NR2C2: variants seen among roughly 807,000 people sequenced by gnomAD.
The protein encoded by NR2C2 is Nuclear hormone receptor TR4.
A neutral mutation model predicts 62.9 loss-of-function variants in NR2C2; 6 were observed. The ratio of observed to expected loss-of-function variants is 0.10; its 90% CI spans 0.05 to 0.19. NR2C2 has a LOEUF of 0.19. Ranked by LOEUF, NR2C2 falls within the 10% of genes least tolerant of loss-of-function variation. The probability of loss-of-function intolerance (pLI) is 1.00; values close to 1 mark genes in which losing one functional copy is unlikely to be tolerated. For missense variants in NR2C2, 479 were observed against 762.7 expected, an observed-to-expected ratio of 0.63 and a Z score of 4.38; for synonymous variants, 272 against 273.8, an observed-to-expected ratio of 0.99 and a Z score of 0.07.
At chr3:14,985,191 T>C (rs550399507) in intron 1 of NR2C2, among the ~76,000 whole-genome samples, 2 of 152,266 alleles carry the variant, frequency 1.3e-5, no homozygotes, top group Non-Finnish European at 2.9e-5. Flanking sequence ...ATGTCCTGTA[T>C]GAGCTATATG....
At chr3:14,956,784 G>A (rs374822631) in intron 1 of NR2C2, among the ~76,000 whole-genome samples, 2 of 152,152 alleles carry the variant, frequency 1.3e-5, no homozygotes, top group African/African-American at 2.4e-5. Context: ...CAGGTGATCC[G>A]CCTGCCTTGG....
At chr3:15,022,536 G>A (rs1474763290) in intron 5 of NR2C2, among the ~76,000 whole-genome samples, 1 of 151,292 alleles carries the variant, frequency 6.6e-6, no homozygotes, top group African/African-American at 2.4e-5. Flanking sequence ...CTCCCAAGTA[G>A]CTGGGATTAC....
At position 14,982,988 on chromosome 3, in the gene NR2C2, TAGTA is replaced by T. The variant is rs765108548; in HGVS notation, c.-39-20887_-39-20884del. 4.6e-5 allele frequency among the ~76,000 whole-genome samples: 7 copies of T among 152,346 alleles called. No individual in the cohort carries two copies. The East Asian group carries it at 5.8e-4, about 13-fold the overall frequency. On this transcript the variant is annotated intron_variant, in intron 1 of 13. Transcript: ENST00000425241. ...TTTAATTTTTAATTTTGTGAATACA[TAGTA>T]GGTGTATATATTTGTAGGGTGCATG...
intron 1 of NR2C2, among the ~76,000 whole-genome samples, chr3:14,981,800 A>G (rs372917358): frequency 8.5e-5 from 13 of 152,100 alleles, no homozygotes; most frequent in East Asian, 7.7e-4. Flanking sequence ...TAGGTCCAAG[A>G]GTCTGAAAGC....
intron 3 of NR2C2, 89 bp from the exon 4 acceptor site, chr3:15,016,063 A>G (rs2041502468): frequency 4.1e-6 from 4 of 969,438 alleles, no homozygotes; most frequent in African/African-American, 3.2e-5. Context: ...CAGCCTCCCA[A>G]AGTGCTGGGA....
At chr3:14,966,154 TA>T (rs2039847812) in intron 1 of NR2C2, among the ~76,000 whole-genome samples, 1 of 152,212 alleles carries the variant, frequency 6.6e-6, no homozygotes, top group African/African-American at 2.4e-5. Context: ...AATTGAGAGA[TA>T]ATTAATAGTC....
intron 7 of NR2C2, among the ~76,000 whole-genome samples, chr3:15,025,247 A>G (rs2041790743): frequency 6.6e-6 from 1 of 152,224 alleles, no homozygotes; most frequent in African/African-American, 2.4e-5. Context: ...CAACCATTCT[A>G]TTGGGCCATC....
chr3:15,011,484 C>T (rs558095100), intron 2 of NR2C2, among the ~76,000 whole-genome samples: 1 of 152,220 alleles, frequency 6.6e-6, no homozygotes, highest in Non-Finnish European at 1.5e-5. Context: ...TGTCTGCAAT[C>T]TTTCAGTTGA....
chr3:14,972,848 A>C (rs2040085042), intron 1 of NR2C2, among the ~76,000 whole-genome samples: 1 of 152,110 alleles, frequency 6.6e-6, no homozygotes, highest in South Asian at 2.1e-4. Context: ...GGGAGGTGCT[A>C]CACACTTTTA....
chr3:15,038,278 C>T, intron 12 of NR2C2, 141 bp downstream of exon 12: 1 of 841,492 alleles, frequency 1.2e-6, no homozygotes. Context: ...AGGTGTTTTG[C>T]TAGATAAATA....
intron 1 of NR2C2, among the ~76,000 whole-genome samples, chr3:14,975,966 G>C (rs890267185): frequency 1.3e-5 from 2 of 151,960 alleles, no homozygotes; most frequent in Non-Finnish European, 2.9e-5. Flanking sequence ...TAGAGACAGG[G>C]TTTCGCCATG....
intron 5 of NR2C2, among the ~76,000 whole-genome samples, chr3:15,021,304 A>C (rs548172980): frequency 6.4e-4 from 97 of 152,302 alleles, no homozygotes; most frequent in South Asian, 2.3e-3. Context: ...TCTGTGATCT[A>C]CTTAATCACC....
intron 1 of NR2C2, among the ~76,000 whole-genome samples, chr3:14,954,287 AAT>A (rs1161585307): frequency 2.0e-5 from 3 of 151,758 alleles, no homozygotes; most frequent in Non-Finnish European, 4.4e-5. Context: ...ATAAATTTAT[AAT>A]ATGTCTTTTC....
Position 14,968,577 on chromosome 3 carries a change from C to G in NR2C2, c.-40+20671C>G, listed in dbSNP as rs1332436509. ...TCAACCATTGTGGAAGACAGTGTGG[C>G]GATTCCTCAGGGATCTAGAACTAGA... On this transcript the variant is annotated intron_variant, in intron 1 of 13. Coordinates refer to ENST00000425241, the MANE Select transcript of NR2C2 (RefSeq NM_001291694.2). Among the ~76,000 whole-genome samples the G allele has an allele frequency of 1.3e-5, 2 of 149,196 alleles. 1 individual carries two copies. The highest frequency in any genetic ancestry group is 3.9e-4 in the East Asian group (2 of 5,164).
intron 2 of NR2C2, among the ~76,000 whole-genome samples, chr3:15,005,396 A>G (rs955614180): frequency 3.9e-5 from 5 of 128,332 alleles, no homozygotes; most frequent in Non-Finnish European, 1.6e-5. Flanking sequence ...TTTTTTTTAT[A>G]AATAGGGATG....
rs182605170 is a variant in NR2C2 at position 15,007,370 on chromosome 3, G to T, written c.72+3384G>T. 4.3e-3 allele frequency among the ~76,000 whole-genome samples: 660 copies of T among 151,784 alleles called. 4 individuals carry two copies. The highest frequency in any genetic ancestry group is 5.4e-3 in the Non-Finnish European group (369 of 67,940). ...TCTCGGTCTCCTGACCTTATGATCC[G>T]CCTGCCTCGGCCTCCCAAAATTCTG... On this transcript the variant is annotated intron_variant, in intron 2 of 13. Transcript: ENST00000425241.
chr3:14,976,602 CTTTTTTT>C (rs533538010), intron 1 of NR2C2, among the ~76,000 whole-genome samples: 36 of 90,726 alleles, frequency 4.0e-4, no homozygotes, highest in African/African-American at 1.7e-3. Flanking sequence ...TCCTTCCTTC[CTTTTTTT>C]TTTTTTTTTT....
rs2042467906 is a variant in NR2C2, at chr3:15,046,785, T to C, written c.*3777T>C. The C allele has an allele frequency of 1.3e-5, 2 of 152,704 alleles. No homozygotes were observed. The highest frequency in any genetic ancestry group is 1.3e-4 in the Admixed American group (2 of 15,290). The allele number at this position is 152,704 out of a possible 1,614,324, so 9.5% of individuals were successfully genotyped here. On this transcript the variant is annotated 3_prime_UTR_variant, in exon 14 of 14. Transcript: ENST00000425241. The stretch of plus-strand genomic sequence containing the variant: ...GGCGGTGCCCACTGGGCCCTGGGAA[T>C]GCCTGAGCCAGCAGAGCAGATGCCC...
chr3:14,965,036 A>G (rs951534418), intron 1 of NR2C2, among the ~76,000 whole-genome samples: 1 of 152,110 alleles, frequency 6.6e-6, no homozygotes, highest in African/African-American at 2.4e-5. Flanking sequence ...TCGCATGCAC[A>G]TCGTTGGCAT....
Sources: gnomAD v4.1 joint callset for allele counts (sites outside exome capture counted in the v4.1 genomes callset) on GRCh38, gnomAD v4.1.1 for gene constraint, MANE v1.5 for transcripts, NCBI Gene and HGNC (gene_info 2026-07-23, HGNC 2026-07-21) for gene names.